The following ARHGAP5 variants were observed in gnomAD, a reference collection of about 807,000 sequenced individuals.
The protein encoded by ARHGAP5 is Rho GTPase activating protein 5.
Under a neutral mutation model 116.6 loss-of-function variants are expected in ARHGAP5, and 23 were observed. The observed-to-expected ratio is 0.20, with a 90% CI of 0.14 to 0.28. ARHGAP5 has a LOEUF of 0.28. ARHGAP5 is among the 10% of genes least tolerant of loss of function. The probability of loss-of-function intolerance (pLI) is 1.00; values close to 1 mark genes in which losing one functional copy is unlikely to be tolerated. For missense variants in ARHGAP5, 1,405 were observed against 1,774.8 expected, an observed-to-expected ratio of 0.79 and a Z score of 3.74; for synonymous variants, 574 against 602.0, an observed-to-expected ratio of 0.95 and a Z score of 0.68.
In ARHGAP5 at chr14:32,091,735, A is replaced by G. The variant is rs1295037342; in HGVS notation, c.1066A>G (p.Ile356Val). 3 of 1,613,406 alleles carry G rather than the reference A, an allele frequency of 1.9e-6. No homozygotes were observed. Among genetic ancestry groups the G allele is most frequent in the Non-Finnish European group, 1.7e-6 (2 of 1,179,590 alleles). Residue 356 changes from isoleucine to valine, a missense_variant, in exon 2 of 7, where the codon ATT becomes GTT. Around this residue, in one of 6 missense-constraint regions of ARHGAP5, gnomAD observed 944 missense variants for 1,095.3 expected, o/e 0.86. Transcript: ENST00000345122. ...CACTCTTTTGCCAAATCTAGAAGAG[A>G]TTGAACATTTGAATTGGTCAGAAGC... ...FNTLLPNLEEIEHLNWSEALK... is the reference protein window; with the variant it reads ...FNTLLPNLEEVEHLNWSEALK...
chr14:32,146,669 A>T (rs1332292730), intron 4 of ARHGAP5, among the ~76,000 whole-genome samples: 1 of 152,210 alleles, frequency 6.6e-6, no homozygotes, highest in Non-Finnish European at 1.5e-5. Context: ...AGAAGAAAAG[A>T]TTGAAAACGA....
At chr14:32,118,504 AAAAG>A (rs1235763805) in intron 3 of ARHGAP5, among the ~76,000 whole-genome samples, 2 of 152,160 alleles carry the variant, frequency 1.3e-5, no homozygotes, top group Non-Finnish European at 2.9e-5. Flanking sequence ...CTCAAAAAAA[AAAAG>A]AAAGAAGAAA....
At chr14:32,118,872 A>G (rs969419733) in intron 3 of ARHGAP5, among the ~76,000 whole-genome samples, 1 of 152,180 alleles carries the variant, frequency 6.6e-6, no homozygotes, top group Middle Eastern at 3.2e-3. Context: ...TTGTACATTT[A>G]TTATTTAAAA....
chr14:32,103,763 A>G (rs1469427114), intron 2 of ARHGAP5, among the ~76,000 whole-genome samples: 2 of 152,102 alleles, frequency 1.3e-5, no homozygotes, highest in Non-Finnish European at 2.9e-5. Context: ...CATCTCAGCT[A>G]AAGTGTGGAT....
chr14:32,105,721 T>G (rs1422797030), intron 2 of ARHGAP5, among the ~76,000 whole-genome samples: 1 of 152,170 alleles, frequency 6.6e-6, no homozygotes, highest in African/African-American at 2.4e-5. Flanking sequence ...TGTAAAACAG[T>G]TCCATCCACT....
At chr14:32,087,422 A>G (rs1217471611) in intron 1 of ARHGAP5, among the ~76,000 whole-genome samples, 3 of 151,784 alleles carry the variant, frequency 2.0e-5, no homozygotes, top group Non-Finnish European at 4.4e-5. Context: ...TTTGAGGGCA[A>G]GGTGACAACA....
At chr14:32,142,650 C>A (rs981534607) in intron 3 of ARHGAP5, among the ~76,000 whole-genome samples, 9 of 152,228 alleles carry the variant, frequency 5.9e-5, no homozygotes, top group African/African-American at 2.2e-4. Context: ...GACCACAGTT[C>A]TTTCAGAATA....
At chr14:32,104,143 T>C (rs1225357188) in intron 2 of ARHGAP5, among the ~76,000 whole-genome samples, 2 of 152,102 alleles carry the variant, frequency 1.3e-5, no homozygotes, top group African/African-American at 4.8e-5. Context: ...TTGTATAAGA[T>C]GAGAGGGAGG....
chr14:32,154,357 C>T (rs1356544606), intron 6 of ARHGAP5: 1 of 360,448 alleles, frequency 2.8e-6, no homozygotes, highest in Non-Finnish European at 5.1e-6. Context: ...CCATGTTGGT[C>T]CTGCTGGTGT....
chr14:32,155,038 A>G lies in ARHGAP5; in HGVS notation c.*90A>G. On this transcript the variant is annotated 3_prime_UTR_variant, in exon 7 of 7. Coordinates refer to ENST00000345122, the MANE Select transcript of ARHGAP5 (RefSeq NM_001030055.2). The stretch of plus-strand genomic sequence containing the variant: ...GGTTCAGTAGTATACTTCATGTTTC[A>G]TACAGATAATTCACATTCAAAATTA... 9.2e-7 allele frequency: 1 copy of G among 1,089,022 alleles called. No individual in the cohort carries two copies. The highest frequency in any genetic ancestry group is 1.3e-6 in the Non-Finnish European group (1 of 761,626). The allele number at this position is 1,089,022 out of a possible 1,614,324, so 67.5% of individuals were successfully genotyped here.
chr14:32,109,476 A>G (rs1292638877), intron 2 of ARHGAP5, among the ~76,000 whole-genome samples: 1 of 151,934 alleles, frequency 6.6e-6, no homozygotes, highest in Non-Finnish European at 1.5e-5. Flanking sequence ...GTCTCCCTTT[A>G]TATAGGGTAG....
At chr14:32,146,772 GA>G (rs1318966456) in intron 4 of ARHGAP5, among the ~76,000 whole-genome samples, 3 of 152,154 alleles carry the variant, frequency 2.0e-5, no homozygotes, top group Non-Finnish European at 4.4e-5. Context: ...GGAGGTACTG[GA>G]AAAGCAGGCA....
chr14:32,116,012 G>A (rs984245449), intron 2 of ARHGAP5, among the ~76,000 whole-genome samples: 1 of 151,462 alleles, frequency 6.6e-6, no homozygotes, highest in Non-Finnish European at 1.5e-5. Context: ...AAGCTACTGG[G>A]CGCAGTAGCT....
intron 2 of ARHGAP5, among the ~76,000 whole-genome samples, chr14:32,113,536 C>T (rs1403720711): frequency 6.6e-6 from 1 of 152,194 alleles, no homozygotes; most frequent in Non-Finnish European, 1.5e-5. Flanking sequence ...GGTGTAACTG[C>T]AGATTTAAAT....
At chr14:32,127,134 AC>A (rs896921708) in intron 3 of ARHGAP5, among the ~76,000 whole-genome samples, 2 of 151,036 alleles carry the variant, frequency 1.3e-5, no homozygotes, top group Non-Finnish European at 2.9e-5. Flanking sequence ...AGTAGCTGGG[AC>A]CACAGGTGCG....
At chr14:32,153,161 A>G (rs1017895884) in intron 6 of ARHGAP5, among the ~76,000 whole-genome samples, 1 of 150,892 alleles carries the variant, frequency 6.6e-6, no homozygotes, top group African/African-American at 2.4e-5. Context: ...TTTACTAGCA[A>G]TGTGGTATAA....
chr14:32,087,886 G>A (rs561162896), intron 1 of ARHGAP5, among the ~76,000 whole-genome samples: 12 of 151,992 alleles, frequency 7.9e-5, no homozygotes, highest in Admixed American at 2.0e-4. Context: ...TTAAATTTTA[G>A]CCTCATTATA....
At chr14:32,131,655 ACATGTGC>A (rs1382267779) in intron 3 of ARHGAP5, among the ~76,000 whole-genome samples, 2 of 152,160 alleles carry the variant, frequency 1.3e-5, no homozygotes, top group African/African-American at 4.8e-5. Context: ...ACATATGTAT[ACATGTGC>A]CATGTTGGTG....
intron 1 of ARHGAP5, among the ~76,000 whole-genome samples, chr14:32,088,817 T>A (rs767306181): frequency 3.3e-5 from 5 of 151,982 alleles, no homozygotes; most frequent in Non-Finnish European, 5.9e-5. Context: ...GGAACTAATA[T>A]TTATTAAGCC....
Sources: allele counts gnomAD v4.1 joint callset (sites outside exome capture counted in the v4.1 genomes callset), GRCh38; gene constraint gnomAD v4.1.1; regional missense constraint gnomAD v4.1.1; transcripts MANE v1.5; gene names NCBI Gene and HGNC (gene_info 2026-07-23, HGNC 2026-07-21).